Variants in TOX3 observed in about 807,000 individuals in gnomAD.
TOX3 encodes the protein CAG trinucleotide repeat-containing gene F9 protein.
In TOX3, 22 loss-of-function variants were observed where a neutral mutation model predicts 64.3. The ratio of observed to expected loss-of-function variants is 0.34; its 90% confidence interval spans 0.24 to 0.49. TOX3 has a LOEUF of 0.49. Ranked by LOEUF, TOX3 falls within the 20% of genes least tolerant of loss-of-function variation. The probability of loss-of-function intolerance (pLI) is 0.99; values close to 1 mark genes in which losing one functional copy is unlikely to be tolerated. For missense variants in TOX3, 661 were observed against 714.4 expected (o/e 0.93, Z 0.85); for synonymous variants, 291 against 273.6 (o/e 1.06, Z -0.63).
chr16:52,516,639 G>T (rs1220506823), intron 1 of TOX3, among the ~76,000 whole-genome samples: 1 of 152,082 alleles, frequency 6.6e-6, no homozygotes, highest in Admixed American at 6.5e-5. Context: ...ACCCATAAAG[G>T]TTTATCAATA....
intron 1 of TOX3, among the ~76,000 whole-genome samples, chr16:52,536,826 A>G (rs1962958953): frequency 1.3e-5 from 2 of 150,578 alleles, no homozygotes; most frequent in Admixed American, 1.3e-4. Context: ...CCAGGCTGGA[A>G]GTGCAGTGGT....
At chr16:52,494,195 A>C (rs1961775706) in intron 1 of TOX3, among the ~76,000 whole-genome samples, 1 of 152,048 alleles carries the variant, frequency 6.6e-6, no homozygotes, top group African/African-American at 2.4e-5. Context: ...GCTGTTTCCA[A>C]CTCCCTTGCA....
At chr16:52,524,358 A>T (rs1310826464) in intron 1 of TOX3, among the ~76,000 whole-genome samples, 4 of 152,232 alleles carry the variant, frequency 2.6e-5, no homozygotes, top group African/African-American at 4.8e-5. Flanking sequence ...AAAATGATAT[A>T]TTAAAAATGG....
At chr16:52,478,421 T>C (rs1355798103) in intron 1 of TOX3, among the ~76,000 whole-genome samples, 2 of 152,230 alleles carry the variant, frequency 1.3e-5, no homozygotes, top group African/African-American at 2.4e-5. Context: ...TCCTCCCAGG[T>C]CAGCTTAGCT....
At chr16:52,484,042 T>C (rs1961441563) in intron 1 of TOX3, among the ~76,000 whole-genome samples, 1 of 152,192 alleles carries the variant, frequency 6.6e-6, no homozygotes, top group African/African-American at 2.4e-5. Flanking sequence ...ATGGAATATC[T>C]AGATAATAAC....
At chr16:52,448,906 G>A (rs1035506408) in intron 4 of TOX3, among the ~76,000 whole-genome samples, 1 of 152,172 alleles carries the variant, frequency 6.6e-6, no homozygotes, top group African/African-American at 2.4e-5. Flanking sequence ...CCCCATGGGG[G>A]AGAACACTCC....
intron 1 of TOX3, among the ~76,000 whole-genome samples, chr16:52,515,759 GT>G (rs1962437209): frequency 2.6e-5 from 4 of 152,048 alleles, no homozygotes; most frequent in Admixed American, 2.6e-4. Context: ...CCTTCTTTTC[GT>G]TTCTTTACTT....
chr16:52,450,436 C>T lies in TOX3; in HGVS notation c.519G>A (p.Gln173=), dbSNP rs1340440095. ...GCTGAGACTGGTTGATGGTGGTGAGCTGGGCAGGAGGCATGACCCCAGAAC... is the reference window on the plus strand; with the variant it reads ...GCTGAGACTGGTTGATGGTGGTGAGTTGGGCAGGAGGCATGACCCCAGAAC... ...AARSGVMPPA[Q]LTTINQSQLS... Residue 173 remains glutamine (Q), a synonymous_variant, in exon 4 of 7, where the codon CAG becomes CAA. Coordinates refer to ENST00000219746, the MANE Select transcript of TOX3 (RefSeq NM_001080430.4). 5.0e-6 allele frequency: 8 copies of T among 1,613,994 alleles called. No homozygotes were observed. Among genetic ancestry groups the T allele is most frequent in the Non-Finnish European group, 6.8e-6 (8 of 1,179,888 alleles).
At chr16:52,481,960 T>G (rs1361762467) in intron 1 of TOX3, among the ~76,000 whole-genome samples, 2 of 152,156 alleles carry the variant, frequency 1.3e-5, no homozygotes, top group Non-Finnish European at 2.9e-5. Context: ...AGGACAGAAA[T>G]CACATTCCTC....
intron 1 of TOX3, among the ~76,000 whole-genome samples, chr16:52,518,122 T>C (rs1567346943): frequency 1.3e-5 from 2 of 152,158 alleles, no homozygotes; most frequent in Non-Finnish European, 2.9e-5. Context: ...ATGAGATTCA[T>C]TATTTTGCAC....
intron 1 of TOX3, among the ~76,000 whole-genome samples, chr16:52,515,798 C>A (rs1262532504): frequency 6.6e-6 from 1 of 152,040 alleles, no homozygotes. Flanking sequence ...ATATCTATAG[C>A]AAACTATATT....
chr16:52,503,322 T>C (rs564067407), intron 1 of TOX3, among the ~76,000 whole-genome samples: 1 of 152,298 alleles, frequency 6.6e-6, no homozygotes, highest in Admixed American at 6.5e-5. Flanking sequence ...TCCTCACTTG[T>C]AAAATTAAGA....
chr16:52,461,100 AAC>A (rs1296400828), intron 3 of TOX3, among the ~76,000 whole-genome samples: 2 of 152,300 alleles, frequency 1.3e-5, no homozygotes, highest in South Asian at 4.1e-4. Context: ...GTTAAAAAAA[AAC>A]ACACACAACC....
In TOX3 at chr16:52,547,042, G is replaced by A. The variant is rs1443900130; in HGVS notation, c.-319C>T. On this transcript the variant is annotated 5_prime_UTR_variant, in exon 1 of 7. Transcript: ENST00000219746. ...GCTGGGGCCCGGGTCGGCGAGGCGAGTTCAGGTGCGCTGGGCGAGGCTGGG... is the reference window on the plus strand; with the variant it reads ...GCTGGGGCCCGGGTCGGCGAGGCGAATTCAGGTGCGCTGGGCGAGGCTGGG... 2.5e-4 allele frequency: 184 copies of A among 745,040 alleles called. No individual in the cohort carries two copies. Among genetic ancestry groups the A allele is most frequent in the Middle Eastern group, 6.6e-4 (1 of 1,518 alleles). 46.2% of individuals were successfully genotyped at this position (745,040 alleles called of 1,614,324 possible). A position where few individuals can be genotyped will look rare whatever the true frequency, so the allele number is the denominator to read the frequency against.
At position 52,463,988 on chromosome 16, in the gene TOX3, G is replaced by A. The variant is rs748661987; in HGVS notation, c.354C>T (p.Ile118=). 41 of 1,595,920 alleles carry A rather than the reference G, an allele frequency of 2.6e-5. 1 individual carries two copies. In the Admixed American group the frequency reaches 5.4e-4, roughly 21 times the overall value. The change falls in exon 3 of 7, where the codon ATC becomes ATT. Residue 118 remains isoleucine, a synonymous_variant. Coordinates refer to ENST00000219746, the MANE Select transcript of TOX3 (RefSeq NM_001080430.4). ...CATCTTGTTCCACGAGATTTCTTGA[G>A]ATTGTAATGGAAGGGAGGTCCAGGC... is the stretch of plus-strand genomic sequence containing the variant. ...PQSLDLPSIT[I]SRNLVEQDGV... is the part of the protein sequence containing the mutation.
chr16:52,499,601 C>T (rs1352419159), intron 1 of TOX3, among the ~76,000 whole-genome samples: 2 of 152,148 alleles, frequency 1.3e-5, no homozygotes, highest in East Asian at 1.9e-4. Flanking sequence ...TTAGACATGG[C>T]TCTCACCCTA....
chr16:52,459,816 GA>G (rs888491370), intron 3 of TOX3, among the ~76,000 whole-genome samples: 2 of 151,844 alleles, frequency 1.3e-5, no homozygotes, highest in African/African-American at 4.8e-5. Flanking sequence ...CTTAACGTAA[GA>G]TTTTTTTAAG....
intron 4 of TOX3, among the ~76,000 whole-genome samples, chr16:52,449,600 A>G (rs1022780266): frequency 6.6e-6 from 1 of 152,278 alleles, no homozygotes; most frequent in Non-Finnish European, 1.5e-5. Flanking sequence ...TAATTCTCTT[A>G]TAAATCTTTG....
At chr16:52,544,015 G>A (rs1963126666) in intron 1 of TOX3, among the ~76,000 whole-genome samples, 1 of 152,178 alleles carries the variant, frequency 6.6e-6, no homozygotes, top group African/African-American at 2.4e-5. Context: ...AGAGTTCGGT[G>A]TTTCTTCTAA....
Sources: allele counts gnomAD v4.1 joint callset (sites outside exome capture counted in the v4.1 genomes callset), GRCh38; gene constraint gnomAD v4.1.1; transcripts MANE v1.5; gene names NCBI Gene and HGNC (gene_info 2026-07-23, HGNC 2026-07-21).